PNKD: variants seen among roughly 807,000 people sequenced by gnomAD.
PNKD encodes the protein PNKD metallo-beta-lactamase domain containing.
A neutral mutation model predicts 45.3 loss-of-function variants in PNKD; 36 were observed. That is an observed-to-expected ratio of 0.80 (90% CI 0.61 to 1.05). The LOEUF (loss-of-function observed/expected upper bound fraction) is 1.05, where lower values mean the gene tolerates loss of function less well. Ranked by LOEUF, PNKD falls within the 50% of genes least tolerant of loss-of-function variation. The pLI, the probability that PNKD is intolerant of heterozygous loss-of-function variation, is 0.00. For missense variants in PNKD, 511 were observed against 506.6 expected, an observed-to-expected ratio of 1.01 and a Z score of -0.08; for synonymous variants, 197 against 210.1, an observed-to-expected ratio of 0.94 and a Z score of 0.54.
At chr2:218,317,071 G>A (rs1693835697) in intron 2 of PNKD, among the ~76,000 whole-genome samples, 1 of 152,158 alleles carries the variant, frequency 6.6e-6, no homozygotes, top group Admixed American at 6.5e-5. Flanking sequence ...ACTGGGGATG[G>A]GAGGGGATCA....
chr2:218,289,212 C>T (rs1692755405), intron 2 of PNKD, among the ~76,000 whole-genome samples: 1 of 150,704 alleles, frequency 6.6e-6, no homozygotes, highest in Non-Finnish European at 1.5e-5. Context: ...CTTTCCCCTG[C>T]GGAAAGTTGA....
chr2:218,328,315 C>A (rs150928763), intron 2 of PNKD, among the ~76,000 whole-genome samples: 79 of 152,280 alleles, frequency 5.2e-4, no homozygotes, highest in African/African-American at 1.9e-3. Context: ...TCCTTCAGGT[C>A]TCTGCTCAAA....
At chr2:218,289,428 G>A (rs577449862) in intron 2 of PNKD, among the ~76,000 whole-genome samples, 2 of 152,148 alleles carry the variant, frequency 1.3e-5, no homozygotes, top group South Asian at 4.2e-4. Context: ...GATCACTTGA[G>A]GTCAGGTGTT....
chr2:218,281,835 G>A lies in PNKD; in HGVS notation c.236+10286G>A. The A allele has an allele frequency of 3.3e-6, 3 of 915,222 alleles. No individual in the cohort carries two copies. The Admixed American group carries it at 7.2e-5, about 22-fold the overall frequency. 56.7% of individuals were successfully genotyped at this position (915,222 alleles called of 1,614,324 possible). On this transcript the variant is annotated intron_variant, in intron 2 of 9. Coordinates refer to ENST00000273077, the MANE Select transcript of PNKD (RefSeq NM_015488.5). ...GATCTCAACAGAGAAGATGAGAAAG[G>A]GATTTAAGGGAAACTAGAAGAGAAA...
In PNKD at chr2:218,311,918, C is replaced by T. The variant is rs551704567; in HGVS notation, c.237-27865C>T. Among the ~76,000 whole-genome samples the T allele has an allele frequency of 1.7e-3, 255 of 152,324 alleles. 1 individual carries two copies. Among genetic ancestry groups the T allele is most frequent in the African/African-American group, 5.9e-3 (246 of 41,572 alleles). On this transcript the variant is annotated intron_variant, in intron 2 of 9. Transcript: ENST00000273077. Reference sequence around the variant, plus strand: ...TACCCAAGCTTTCTTGGGCAGAGGTCGGTCCCTGCGGCTTTCCGCAGTGCA... The same window carrying T: ...TACCCAAGCTTTCTTGGGCAGAGGTTGGTCCCTGCGGCTTTCCGCAGTGCA...
Position 218,340,804 on chromosome 2 carries a change from T to C in PNKD, c.524+18T>C, listed in dbSNP as rs747704832. ...AAGCACTGGTAAGGGGCTCCCGTCT[T>C]CCCTGGCCCACCCTTGTCCCAGCTG... On this transcript the variant is annotated intron_variant, in intron 5 of 9. Transcript: ENST00000273077. The surrounding 1 kb of genome is among the most constrained non-coding windows in gnomAD (Gnocchi z 4.2). 6.2e-6 allele frequency: 10 copies of C among 1,608,786 alleles called. No individual in the cohort carries two copies. The highest frequency in any genetic ancestry group is 7.7e-6 in the Non-Finnish European group (9 of 1,175,104).
chr2:218,302,654 G>A (rs1465337635), intron 2 of PNKD, among the ~76,000 whole-genome samples: 1 of 152,182 alleles, frequency 6.6e-6, no homozygotes. Flanking sequence ...CCTCTTTAAG[G>A]ACTTCAAATT....
rs770623714 is a variant in PNKD, at chr2:218,340,124, G to A, written c.448G>A (p.Asp150Asn). ...AQLAVAVDPS[D>N]PRAVQASIEK... ...GCTGGCTGTGGCTGTGGACCCTTCA[G>A]ACCCTCGGGCTGTGCAGGTGAGGGG... Residue 150 changes from aspartate to asparagine, a missense_variant, in exon 4 of 10, where the codon GAC (aspartate) becomes AAC (asparagine). Asp to Asn is a conservative substitution (Grantham distance 23). Transcript: ENST00000273077. This position sits in a 1 kb window ranked among gnomAD's most constrained non-coding sequence, Gnocchi z 4.2. The A allele has an allele frequency of 4.3e-6, 7 of 1,612,272 alleles. No homozygotes were observed. Among genetic ancestry groups the A allele is most frequent in the Non-Finnish European group, 5.9e-6 (7 of 1,178,484 alleles).
At chr2:218,339,677 A>G in intron 2 of PNKD, 106 bp from the exon 3 acceptor site, 2 of 743,792 alleles carry the variant, frequency 2.7e-6, no homozygotes, top group East Asian at 5.3e-5. Context: ...GCATTGGCTC[A>G]CAGGGTCACC....
intron 2 of PNKD, among the ~76,000 whole-genome samples, chr2:218,290,420 T>G (rs1197811295): frequency 6.6e-6 from 1 of 152,198 alleles, no homozygotes; most frequent in Non-Finnish European, 1.5e-5. Flanking sequence ...TCCTCGTCTC[T>G]TATAACCTCT....
chr2:218,272,379 C>A (rs374593126), intron 2 of PNKD, among the ~76,000 whole-genome samples: 1 of 152,180 alleles, frequency 6.6e-6, no homozygotes, highest in Admixed American at 6.5e-5. Context: ...GATGGAGTTA[C>A]GGGGTTTTAA....
chr2:218,334,779 T>C (rs1694440697), intron 2 of PNKD: 2 of 701,538 alleles, frequency 2.9e-6, no homozygotes, highest in East Asian at 5.4e-5. Flanking sequence ...CTTTGATCAC[T>C]GGCTTAAGGT....
Position 218,270,540 on chromosome 2 carries a change from C to T in PNKD, c.5C>T (p.Ala2Val), listed in dbSNP as rs764107923. The change falls in exon 1 of 10, where the codon GCG (alanine) becomes GTG (valine). Residue 2 changes from alanine (A) to valine (V), a missense_variant. Ala to Val is a moderately conservative substitution (Grantham distance 64, BLOSUM62 0). Coordinates refer to ENST00000273077, the MANE Select transcript of PNKD (RefSeq NM_015488.5). ...AAGCGGGGGTGGGATCTGAACATGGCGGCGGTGGTAGCTGCTACGGCGCTG... is the reference window on the plus strand; with the variant it reads ...AAGCGGGGGTGGGATCTGAACATGGTGGCGGTGGTAGCTGCTACGGCGCTG... MAAVVAATALKG... is the reference protein window; with the variant it reads MVAVVAATALKG... 2.4e-6 allele frequency: 3 copies of T among 1,233,388 alleles called. No individual in the cohort carries two copies. Among genetic ancestry groups the T allele is most frequent in the Non-Finnish European group, 3.1e-6 (3 of 953,018 alleles). 76.4% of individuals were successfully genotyped at this position (1,233,388 alleles called of 1,614,324 possible).
chr2:218,299,191 C>T (rs1693212514), intron 2 of PNKD, among the ~76,000 whole-genome samples: 1 of 152,012 alleles, frequency 6.6e-6, no homozygotes, highest in South Asian at 2.1e-4. Context: ...AGTGCAATGG[C>T]AGTGCAATGG....
intron 2 of PNKD, among the ~76,000 whole-genome samples, chr2:218,312,481 T>G (rs1574687558): frequency 1.4e-5 from 2 of 142,220 alleles, no homozygotes; most frequent in African/African-American, 2.6e-5. Context: ...CAGAGGAGAG[T>G]GGGCAAAATA....
chr2:218,300,837 G>A (rs1693252633), intron 2 of PNKD, among the ~76,000 whole-genome samples: 1 of 152,104 alleles, frequency 6.6e-6, no homozygotes, highest in Non-Finnish European at 1.5e-5. Flanking sequence ...GCACCACCAC[G>A]CCTGGCCATA....
At chr2:218,320,523 GTGCCAC>G (rs1204484034) in intron 2 of PNKD, among the ~76,000 whole-genome samples, 3 of 152,288 alleles carry the variant, frequency 2.0e-5, no homozygotes, top group Admixed American at 2.0e-4. Context: ...AGCTATGATT[GTGCCAC>G]TGCACTCCAG....
At chr2:218,271,991 T>C (rs186615388) in intron 2 of PNKD, among the ~76,000 whole-genome samples, 22 of 152,354 alleles carry the variant, frequency 1.4e-4, no homozygotes, top group Admixed American at 6.5e-4. Flanking sequence ...CATTTTTTTC[T>C]GCATGTGAGG....
intron 1 of PNKD, 193 bp downstream of exon 1, chr2:218,270,795 CCTCCGGGGTCTTGCTGCAAGAGGGAG>C (rs1275335646): frequency 1.7e-5 from 7 of 409,120 alleles, no homozygotes; most frequent in Non-Finnish European, 2.6e-5. Flanking sequence ...TTGCTCGACA[CCTCCGGGGTCTTGCTGCAAGAGGGAG>C]CTCCTAGGAA....
Sources: gnomAD v4.1 joint callset for allele counts (sites outside exome capture counted in the v4.1 genomes callset) on GRCh38, gnomAD v4.1.1 for gene constraint, Gnocchi (gnomAD v3.1) non-coding constraint, MANE v1.5 for transcripts, NCBI Gene and HGNC (gene_info 2026-07-23, HGNC 2026-07-21) for gene names.